The following PACRG variants were observed in gnomAD, a reference collection of about 807,000 sequenced individuals.
PACRG encodes parkin coregulated gene protein.
Under a neutral mutation model 29.7 loss-of-function variants are expected in PACRG, and 29 were observed. That is an observed-to-expected ratio of 0.98 (90% CI 0.73 to 1.33). PACRG has a LOEUF of 1.33. Among genes scored for constraint, PACRG ranks in the 40% most tolerant of loss-of-function variants. The pLI, the probability that PACRG is intolerant of heterozygous loss-of-function variation, is 0.00. For synonymous variants in PACRG, 116 were observed against 118.7 expected (o/e 0.98, Z 0.15); for missense variants, 279 against 316.2 (o/e 0.88, Z 0.89).
At chr6:162,919,885 ATATAAGAT>A (rs558046200) in intron 2 of PACRG, among the ~76,000 whole-genome samples, 98 of 152,290 alleles carry the variant, frequency 6.4e-4, no homozygotes, top group African/African-American at 2.3e-3. Flanking sequence ...TATTAAATAT[ATATAAGAT>A]TTAAACATAT....
chr6:163,150,732 G>T (rs575224031), intron 4 of PACRG, among the ~76,000 whole-genome samples: 5 of 152,244 alleles, frequency 3.3e-5, no homozygotes, highest in Non-Finnish European at 7.3e-5. Context: ...ACCCCGCTTG[G>T]TAGTGACTGC....
chr6:163,050,803 T>C (rs977401535), intron 2 of PACRG, among the ~76,000 whole-genome samples: 1 of 152,230 alleles, frequency 6.6e-6, no homozygotes, highest in Non-Finnish European at 1.5e-5. Flanking sequence ...TTGTTTCTAG[T>C]TGCTTTTAAT....
At chr6:162,859,509 G>C (rs1471437017) in intron 2 of PACRG, among the ~76,000 whole-genome samples, 1 of 152,084 alleles carries the variant, frequency 6.6e-6, no homozygotes, top group Admixed American at 6.6e-5. Context: ...TGACACCTCG[G>C]AGGTCACTCT....
chr6:163,162,979 C>G (rs555653309), intron 4 of PACRG, among the ~76,000 whole-genome samples: 1 of 152,310 alleles, frequency 6.6e-6, no homozygotes, highest in East Asian at 1.9e-4. Context: ...GACCACACAG[C>G]AAGGCAAACT....
intron 4 of PACRG, among the ~76,000 whole-genome samples, chr6:163,262,914 G>A (rs955751498): frequency 2.7e-5 from 4 of 148,118 alleles, no homozygotes; most frequent in African/African-American, 1.0e-4. Flanking sequence ...GCCCAGTGTG[G>A]TGGCGCATGC....
intron 2 of PACRG, among the ~76,000 whole-genome samples, chr6:162,961,961 A>G (rs1304756685): frequency 1.3e-5 from 2 of 152,118 alleles, no homozygotes; most frequent in African/African-American, 2.4e-5. Flanking sequence ...TGCTCCAATT[A>G]TATATTTCTT....
chr6:163,287,728 T>G (rs2128185834), intron 4 of PACRG, among the ~76,000 whole-genome samples: 1 of 152,282 alleles, frequency 6.6e-6, no homozygotes, highest in African/African-American at 2.4e-5. Context: ...TGACATTATT[T>G]TCCACTCATT....
At position 162,934,147 on chromosome 6, in the gene PACRG, G is replaced by A. The variant is rs1211174474; in HGVS notation, c.291+119866G>A. Among the ~76,000 whole-genome samples, 3 of 151,904 alleles carry A rather than the reference G, an allele frequency of 2.0e-5. 1 individual carries two copies. The highest frequency in any genetic ancestry group is 1.3e-4 in the Admixed American group (2 of 15,260). ...GGCATGGTGGCACACTCCTGTAATC[G>A]CAGCTACTCGGGGGGCTGAGGCAGG... On this transcript the variant is annotated intron_variant, in intron 2 of 4. Transcript: ENST00000366888.
intron 2 of PACRG, among the ~76,000 whole-genome samples, chr6:162,882,353 C>T (rs1327328980): frequency 6.6e-6 from 1 of 151,582 alleles, no homozygotes; most frequent in African/African-American, 2.4e-5. Context: ...CCCGGAGGCA[C>T]TGTCCACCAA....
intron 4 of PACRG, among the ~76,000 whole-genome samples, chr6:163,186,107 G>A (rs1017896138): frequency 2.6e-5 from 4 of 152,176 alleles, no homozygotes; most frequent in African/African-American, 7.2e-5. Flanking sequence ...CCTCTGAGAC[G>A]CAGGCACTGC....
At chr6:163,241,265 A>T (rs1418320611) in intron 4 of PACRG, among the ~76,000 whole-genome samples, 1 of 152,184 alleles carries the variant, frequency 6.6e-6, no homozygotes, top group East Asian at 1.9e-4. Context: ...AATCAGTAAA[A>T]TATCTGAATG....
intron 4 of PACRG, among the ~76,000 whole-genome samples, chr6:163,217,798 G>T (rs1781421615): frequency 6.6e-6 from 1 of 151,980 alleles, no homozygotes; most frequent in South Asian, 2.1e-4. Context: ...TCTAATGCCT[G>T]ATGATCTGCC....
chr6:163,156,508 T>C lies in PACRG; in HGVS notation c.613+67100T>C, dbSNP rs1469940712. Among the ~76,000 whole-genome samples the C allele has an allele frequency of 3.3e-5, 5 of 152,166 alleles. No homozygotes were observed. The South Asian group carries it at 6.2e-4, about 19-fold the overall frequency. On this transcript the variant is annotated intron_variant, in intron 4 of 4. Transcript: ENST00000366888. ...CCATGACTCCCTCCTCTTCCACTGC[T>C]GCTGCCTGGGTTCCCACTGAGGAGC...
chr6:163,047,650 T>G (rs1809536101), intron 2 of PACRG, among the ~76,000 whole-genome samples: 1 of 152,184 alleles, frequency 6.6e-6, no homozygotes, highest in South Asian at 2.1e-4. Context: ...TTCCATAAAA[T>G]AATTTGATTC....
chr6:163,034,086 C>T (rs1294971777), intron 2 of PACRG, among the ~76,000 whole-genome samples: 2 of 151,886 alleles, frequency 1.3e-5, no homozygotes, highest in African/African-American at 4.8e-5. Flanking sequence ...AGAGAAACAG[C>T]GGAAAAGCAT....
intron 1 of PACRG, among the ~76,000 whole-genome samples, chr6:162,791,889 C>T (rs909037401): frequency 6.6e-6 from 1 of 152,122 alleles, no homozygotes; most frequent in Non-Finnish European, 1.5e-5. Flanking sequence ...ACATCCTCTC[C>T]TGCAGGAGGC....
At chr6:162,801,972 G>A (rs1031630131) in intron 1 of PACRG, among the ~76,000 whole-genome samples, 14 of 152,176 alleles carry the variant, frequency 9.2e-5, no homozygotes, top group African/African-American at 2.9e-4. Context: ...ATTATAATAC[G>A]TTTTTGTCTG....
At chr6:163,149,627 C>T (rs1777990536) in intron 4 of PACRG, among the ~76,000 whole-genome samples, 1 of 152,162 alleles carries the variant, frequency 6.6e-6, no homozygotes, top group Non-Finnish European at 1.5e-5. Context: ...CTCCCTCCCC[C>T]GGGCTGCGGG....
At chr6:162,742,205 T>A (rs1780654180) in intron 1 of PACRG, among the ~76,000 whole-genome samples, 2 of 152,194 alleles carry the variant, frequency 1.3e-5, no homozygotes, top group South Asian at 4.1e-4. Flanking sequence ...TCACATGTTG[T>A]GGGAGGGACC....
Sources: allele counts gnomAD v4.1 joint callset (sites outside exome capture counted in the v4.1 genomes callset), GRCh38; gene constraint gnomAD v4.1.1; transcripts MANE v1.5; gene names NCBI Gene and HGNC (gene_info 2026-07-23, HGNC 2026-07-21).